SP1: variants seen among roughly 807,000 people sequenced by gnomAD.
SP1 encodes Sp1 transcription factor.
A neutral mutation model predicts 66.3 loss-of-function variants in SP1; 6 were observed. That is an observed-to-expected ratio of 0.09 (90% confidence interval 0.05 to 0.18). SP1 has a LOEUF of 0.18. SP1 is among the 10% of genes least tolerant of loss of function. The pLI is 1.00. For synonymous variants in SP1, 417 were observed against 360.8 expected (o/e 1.16, Z -1.77); for missense variants, 848 against 964.5 (o/e 0.88, Z 1.60).
Position 53,381,707 on chromosome 12 carries a change from A to G in SP1, c.56A>G (p.Lys19Arg). 1.2e-6 allele frequency: 2 copies of G among 1,613,982 alleles called. No homozygotes were observed. The highest frequency in any genetic ancestry group is 1.7e-6 in the Non-Finnish European group (2 of 1,179,946). ...ATGACAGCTGTGGTGAAAATTGAAA[A>G]AGGAGTTGGTGGCAATAATGGGGGC... is the stretch of plus-strand genomic sequence containing the variant. ...DEMTAVVKIE[K>R]GVGGNNGGNG... is the part of the protein sequence containing the mutation. Residue 19 changes from lysine (K) to arginine (R), a missense_variant, in exon 2 of 6, where the codon AAA (lysine) becomes AGA (arginine). Physicochemically the swap from Lys to Arg is conservative, Grantham distance 26. Coordinates refer to ENST00000327443, the MANE Select transcript of SP1 (RefSeq NM_138473.3).
intron 4 of SP1, among the ~76,000 whole-genome samples, chr12:53,408,316 A>G (rs1409829795): frequency 2.1e-5 from 3 of 145,730 alleles, no homozygotes; most frequent in African/African-American, 7.5e-5. Flanking sequence ...GGCTCACTGC[A>G]ACCTCCACCT....
intron 1 of SP1, 91 bp downstream of exon 1, chr12:53,380,389 G>GGGCGGGCGGGAGGCGGC (rs1938055111): frequency 8.4e-7 from 1 of 1,184,800 alleles, no homozygotes; most frequent in Admixed American, 4.1e-5. Context: ...CGTGAAGCGG[G>GGGCGGGCGGGAGGCGGC]GGCGGGCGGG....
chr12:53,405,620 A>G (rs1315626079), intron 3 of SP1, among the ~76,000 whole-genome samples: 1 of 151,868 alleles, frequency 6.6e-6, no homozygotes, highest in Non-Finnish European at 1.5e-5. Context: ...CAGTGAGCCC[A>G]GATAATGCCA....
intron 5 of SP1, 143 bp from the exon 6 acceptor site, chr12:53,410,784 C>T (rs576071074): frequency 2.2e-4 from 151 of 688,036 alleles, no homozygotes; most frequent in Non-Finnish European, 3.3e-4. Flanking sequence ...TGAGCCACCA[C>T]GCCCAGCCAC....
Position 53,411,708 on chromosome 12 carries a change from G to A in SP1, c.*468G>A, listed in dbSNP as rs1938893405. On this transcript the variant is annotated 3_prime_UTR_variant, in exon 6 of 6. Transcript: ENST00000327443. Reference sequence around the variant, plus strand: ...TATAGAGATGCATTCACAGGGGTTGGCTGGGAGGAGGAAGACCATTCTGTG... The same window carrying A: ...TATAGAGATGCATTCACAGGGGTTGACTGGGAGGAGGAAGACCATTCTGTG... The A allele has an allele frequency of 6.7e-6, 1 of 149,292 alleles. No individual in the cohort carries two copies. The highest frequency in any genetic ancestry group is 1.5e-5 in the Non-Finnish European group (1 of 67,458). 9.2% of individuals were successfully genotyped at this position (149,292 alleles called of 1,614,324 possible).
rs147122911 is a variant in SP1, at chr12:53,383,486, T to C, written c.1539T>C (p.Ala513=). ...TTGCCTCAGCTGCTTCCATTCCTGC[T>C]GGCACAGTCACTGTGAATGCTGCTC... The part of the protein sequence containing the change: ...TPIASAASIP[A]GTVTVNAAQL... Residue 513 remains alanine, a synonymous_variant, in exon 3 of 6, where the codon GCT becomes GCC. Coordinates refer to ENST00000327443, the MANE Select transcript of SP1 (RefSeq NM_138473.3). 21 of 1,614,226 alleles carry C rather than the reference T, an allele frequency of 1.3e-5. No homozygotes were observed. The African/African-American group carries it at 2.7e-4, about 20-fold the overall frequency.
Position 53,382,578 on chromosome 12 carries a change from A to G in SP1, c.631A>G (p.Asn211Asp), listed in dbSNP as rs1938130031. The G allele has an allele frequency of 6.2e-7, 1 of 1,614,038 alleles. No homozygotes were observed. Among genetic ancestry groups the G allele is most frequent in the Admixed American group, 1.7e-5 (1 of 60,006 alleles). Residue 211 changes from asparagine (N) to aspartate (D), a missense_variant, in exon 3 of 6, where the codon AAC (asparagine) becomes GAC (aspartate). Transcript: ENST00000327443. ...TCAAATACAGATCATACCAGGTGCA[A>G]ACCAACAGATTATCACAAATCGAGG... ...SGQIQIIPGA[N>D]QQIITNRGSG...
chr12:53,393,345 C>T (rs148369772), intron 3 of SP1, among the ~76,000 whole-genome samples: 2 of 151,856 alleles, frequency 1.3e-5, no homozygotes, highest in Admixed American at 6.6e-5. Context: ...GTTGCCCAGG[C>T]GCGATCTCTG....
intron 2 of SP1, 24 bp from the exon 3 acceptor site, chr12:53,382,086 T>A (rs1433599941): frequency 1.9e-6 from 3 of 1,609,792 alleles, no homozygotes; most frequent in Non-Finnish European, 2.5e-6. Flanking sequence ...ACTAACTCCT[T>A]TCCTCTCCCT....
Position 53,411,078 on chromosome 12 carries a change from A to C in SP1, c.2196A>C (p.Ser732=). The change falls in exon 6 of 6, where the codon TCA becomes TCC. Residue 732 remains serine (S), a synonymous_variant. Transcript: ENST00000327443. ...TGCCCCTGGACAGTGGGGCAGGTTCAGAAGGCAGTGGCACTGCCACTCCTT... is the reference window on the plus strand; with the variant it reads ...TGCCCCTGGACAGTGGGGCAGGTTCCGAAGGCAGTGGCACTGCCACTCCTT... ...GTLPLDSGAG[S]EGSGTATPSA... 1.2e-6 allele frequency: 2 copies of C among 1,614,240 alleles called. No homozygotes were observed. The highest frequency in any genetic ancestry group is 1.1e-5 in the South Asian group (1 of 91,088).
intron 4 of SP1, among the ~76,000 whole-genome samples, chr12:53,407,638 ATTT>A (rs1412034525): frequency 7.0e-6 from 1 of 142,042 alleles, no homozygotes; most frequent in African/African-American, 2.7e-5. Context: ...AAATTTATTT[ATTT>A]ATTTTTTTGT....
In SP1 at chr12:53,415,427, G is replaced by GT. The variant is rs373928914; in HGVS notation, c.*4188dup. 5 of 152,324 alleles carry GT rather than the reference G, an allele frequency of 3.3e-5. No individual in the cohort carries two copies. Among genetic ancestry groups the GT allele is most frequent in the African/African-American group, 9.7e-5 (4 of 41,384 alleles). 9.4% of individuals were successfully genotyped at this position (152,324 alleles called of 1,614,324 possible). On this transcript the variant is annotated 3_prime_UTR_variant, in exon 6 of 6. Transcript: ENST00000327443. ...AGGCAGGGAAAGGAAAAGAAGGGGG[G>GT]TCTCTGGCTTTATTACTCCCCTAAG...
chr12:53,410,729 G>A (rs1174098195), intron 5 of SP1, among the ~76,000 whole-genome samples, 198 bp from the exon 6 acceptor site: 1 of 151,958 alleles, frequency 6.6e-6, no homozygotes, highest in Non-Finnish European at 1.5e-5. Context: ...TCCTGACCTC[G>A]TGATCTGCCC....
chr12:53,381,801 A>G lies in SP1; in HGVS notation c.150A>G (p.Gly50=). The G allele has an allele frequency of 6.2e-7, 1 of 1,613,184 alleles. No homozygotes were observed. The highest frequency in any genetic ancestry group is 8.5e-7 in the Non-Finnish European group (1 of 1,179,710). ...SSSTGSSSST[G]GGGQESQPSP... is the part of the protein sequence containing the mutation. ...GCACAGGCAGTAGCAGCAGCACTGG[A>G]GGAGGAGGGCAGGTAAGTGATAATC... is the stretch of plus-strand genomic sequence containing the variant. The change falls in exon 2 of 6, where the codon GGA becomes GGG. Residue 50 remains glycine (G), a synonymous_variant. Transcript: ENST00000327443.
intron 3 of SP1, among the ~76,000 whole-genome samples, chr12:53,388,744 C>G (rs1037434424): frequency 6.6e-6 from 1 of 152,104 alleles, no homozygotes; most frequent in Non-Finnish European, 1.5e-5. Flanking sequence ...CTTTGGGAGG[C>G]CAAGGCAGGC....
chr12:53,404,826 A>C (rs1043428485), intron 3 of SP1, among the ~76,000 whole-genome samples: 1 of 151,856 alleles, frequency 6.6e-6, no homozygotes, highest in East Asian at 1.9e-4. Flanking sequence ...GCATGCCACC[A>C]TGCCCAGCTA....
At chr12:53,406,065 C>CTTTTTTTTTTTTTTT (rs1170832065) in intron 3 of SP1, among the ~76,000 whole-genome samples, 3 of 82,418 alleles carry the variant, frequency 3.6e-5, no homozygotes, top group Admixed American at 1.7e-4. Context: ...TATTTTCTTT[C>CTTTTTTTTTTTTTTT]TTTTTTTTTT....
intron 3 of SP1, among the ~76,000 whole-genome samples, chr12:53,388,385 C>T (rs1244691933): frequency 6.6e-6 from 1 of 152,092 alleles, no homozygotes; most frequent in East Asian, 1.9e-4. Flanking sequence ...TAGACTAGGG[C>T]TACCTAGTTG....
chr12:53,400,485 G>A (rs987731825), intron 3 of SP1, among the ~76,000 whole-genome samples: 2 of 152,046 alleles, frequency 1.3e-5, no homozygotes, highest in Admixed American at 6.6e-5. Flanking sequence ...TTGTTTATAC[G>A]TTTTTGTGTG....
Sources: gnomAD v4.1 joint callset for allele counts (sites outside exome capture counted in the v4.1 genomes callset) on GRCh38, gnomAD v4.1.1 for gene constraint, MANE v1.5 for transcripts, NCBI Gene and HGNC (gene_info 2026-07-23, HGNC 2026-07-21) for gene names.